ENPP3: variants seen among roughly 807,000 people sequenced by gnomAD.
The protein encoded by ENPP3 is ectonucleotide pyrophosphatase/phosphodiesterase 3, also known as ectonucleotide pyrophosphatase/phosphodiesterase family member 3.
Under a neutral mutation model 117.8 loss-of-function variants are expected in ENPP3, and 104 were observed. That is an observed-to-expected ratio of 0.88 (90% CI 0.75 to 1.04). ENPP3 has a LOEUF of 1.04. Ranked by LOEUF, ENPP3 falls within the 50% of genes least tolerant of loss-of-function variation. ENPP3 has a pLI of 0.00. For missense variants in ENPP3, 1,026 were observed against 1,051.9 expected (o/e 0.98, Z 0.34); for synonymous variants, 380 against 349.9 (o/e 1.09, Z -0.96).
intron 9 of ENPP3, among the ~76,000 whole-genome samples, chr6:131,676,311 T>C (rs958955197): frequency 1.3e-5 from 2 of 152,190 alleles, no homozygotes; most frequent in African/African-American, 4.8e-5. Context: ...AATTTATTTT[T>C]ATATTAGGTC....
chr6:131,745,393 C>T (rs974841202), intron 24 of ENPP3, among the ~76,000 whole-genome samples: 2 of 151,882 alleles, frequency 1.3e-5, no homozygotes, highest in African/African-American at 2.4e-5. Context: ...AGCCTGCATA[C>T]TTAAACAAGT....
chr6:131,648,879 T>C (rs141482536), intron 2 of ENPP3, among the ~76,000 whole-genome samples: 1 of 152,236 alleles, frequency 6.6e-6, no homozygotes, highest in Admixed American at 6.5e-5. Context: ...ATTCCTAATA[T>C]GCTGATGACT....
At chr6:131,697,397 G>A (rs940767190) in intron 15 of ENPP3, among the ~76,000 whole-genome samples, 8 of 139,324 alleles carry the variant, frequency 5.7e-5, no homozygotes, top group Non-Finnish European at 1.1e-4. Context: ...ACCAGGGACC[G>A]GTTTCATAGA....
intron 21 of ENPP3, among the ~76,000 whole-genome samples, chr6:131,735,305 T>C (rs1161267306): frequency 6.6e-6 from 1 of 152,144 alleles, no homozygotes; most frequent in Non-Finnish European, 1.5e-5. Flanking sequence ...AGAGGTAATG[T>C]TATGTTGATT....
intron 5 of ENPP3, among the ~76,000 whole-genome samples, chr6:131,653,487 G>A (rs1462782530): frequency 6.6e-6 from 1 of 151,964 alleles, no homozygotes; most frequent in African/African-American, 2.4e-5. Flanking sequence ...ATATTAAATA[G>A]GTAATACTCC....
At chr6:131,649,766 G>A (rs1396450247) in intron 2 of ENPP3, among the ~76,000 whole-genome samples, 1 of 152,114 alleles carries the variant, frequency 6.6e-6, no homozygotes, top group African/African-American at 2.4e-5. Flanking sequence ...ATGTTAGCCA[G>A]ACTGGTCTCA....
At position 131,710,975 on chromosome 6, in the gene ENPP3, C is replaced by G. The variant is rs1234964761; in HGVS notation, c.1413-7697C>G. 13 of 1,563,284 alleles carry G rather than the reference C, an allele frequency of 8.3e-6. 1 individual carries two copies. The highest frequency in any genetic ancestry group is 1.1e-5 in the Non-Finnish European group (13 of 1,172,244). On this transcript the variant is annotated intron_variant, in intron 15 of 24. Transcript: ENST00000357639. ...ACAACTCTGCCTAGCTCCTCCAGGACCAGCCCCAGGTAGGGCTGAGGGGTA... is the reference window on the plus strand; with the variant it reads ...ACAACTCTGCCTAGCTCCTCCAGGAGCAGCCCCAGGTAGGGCTGAGGGGTA...
At chr6:131,740,823 A>C (rs1379736426) in intron 24 of ENPP3, among the ~76,000 whole-genome samples, 1 of 152,172 alleles carries the variant, frequency 6.6e-6, no homozygotes, top group Non-Finnish European at 1.5e-5. Context: ...AATAGCACTC[A>C]AAGTCCTCTC....
Position 131,701,300 on chromosome 6 carries a change from G to C in ENPP3, c.1412+7676G>C, listed in dbSNP as rs1273662821. On this transcript the variant is annotated intron_variant, in intron 15 of 24. Transcript: ENST00000357639. Reference sequence around the variant, plus strand: ...TCCCGTTCCCCAGCAGGGTGAAGACGTAGAACAGGGAGAAGAGCCCAAAGA... The same window carrying C: ...TCCCGTTCCCCAGCAGGGTGAAGACCTAGAACAGGGAGAAGAGCCCAAAGA... The C allele has an allele frequency of 1.9e-6, 3 of 1,562,874 alleles. No individual in the cohort carries two copies. In the African/African-American group the frequency reaches 4.2e-5, roughly 22 times the overall value.
At position 131,676,770 on chromosome 6, in the gene ENPP3, T is replaced by A; in HGVS notation, c.907T>A (p.Leu303Ile). ...ATTTGAAGAGAGGATTTCTACACTG[T>A]TAAAATGGCTGGACCTGCCCAAAGC... is the stretch of plus-strand genomic sequence containing the variant. ...VPFEERISTL[L>I]KWLDLPKAER... The change falls in exon 10 of 25, where the codon TTA (leucine) becomes ATA (isoleucine). Residue 303 changes from leucine (L) to isoleucine (I), a missense_variant. By Grantham distance (5) the Leu-to-Ile change is conservative. Transcript: ENST00000357639. 1 of 1,611,858 alleles carries A rather than the reference T, an allele frequency of 6.2e-7. No homozygotes were observed. The highest frequency in any genetic ancestry group is 8.5e-7 in the Non-Finnish European group (1 of 1,178,010).
At chr6:131,717,137 T>C (rs1779909270) in intron 15 of ENPP3, among the ~76,000 whole-genome samples, 1 of 152,194 alleles carries the variant, frequency 6.6e-6, no homozygotes, top group African/African-American at 2.4e-5. Flanking sequence ...TTACCTGGCC[T>C]CTCTTTTCTT....
intron 11 of ENPP3, among the ~76,000 whole-genome samples, chr6:131,678,937 C>CT (rs1315425360): frequency 1.1e-5 from 1 of 88,050 alleles, no homozygotes; most frequent in Non-Finnish European, 2.0e-5. Context: ...TTCTTTCTTT[C>CT]TTTCTTTCTT....
intron 20 of ENPP3, among the ~76,000 whole-genome samples, chr6:131,729,544 C>G (rs1435905294): frequency 6.6e-6 from 1 of 152,126 alleles, no homozygotes; most frequent in African/African-American, 2.4e-5. Flanking sequence ...ATCTGAGTGT[C>G]TGAATTATAT....
chr6:131,740,074 G>T (rs545866251), intron 23 of ENPP3, 150 bp from the exon 24 acceptor site: 6 of 538,520 alleles, frequency 1.1e-5, no homozygotes, highest in Non-Finnish European at 1.8e-5. Context: ...TATTTAAAAA[G>T]TACCTAGCAT....
At chr6:131,701,186 G>A (rs762454232) in intron 15 of ENPP3, 8 of 950,114 alleles carry the variant, frequency 8.4e-6, no homozygotes, top group Admixed American at 4.3e-5. Flanking sequence ...TGTTGCAGGC[G>A]TAGGCGATGT....
intron 5 of ENPP3, among the ~76,000 whole-genome samples, chr6:131,653,587 CT>C (rs1230075262): frequency 1.3e-5 from 2 of 152,072 alleles, no homozygotes; most frequent in Non-Finnish European, 2.9e-5. Flanking sequence ...TTCCTGTCTT[CT>C]TTTTTTAAAT....
intron 12 of ENPP3, among the ~76,000 whole-genome samples, chr6:131,684,875 T>C (rs534719904): frequency 6.6e-6 from 1 of 152,208 alleles, no homozygotes; most frequent in African/African-American, 2.4e-5. Flanking sequence ...ACTGCCACCT[T>C]CGAGGTTCAA....
chr6:131,686,416 A>G (rs901603597), intron 14 of ENPP3, among the ~76,000 whole-genome samples: 3 of 151,934 alleles, frequency 2.0e-5, no homozygotes, highest in Non-Finnish European at 4.4e-5. Context: ...ACAATTCACT[A>G]CTCCTGGAGA....
At chr6:131,716,493 A>G (rs949820519) in intron 15 of ENPP3, among the ~76,000 whole-genome samples, 9 of 151,904 alleles carry the variant, frequency 5.9e-5, no homozygotes, top group African/African-American at 2.2e-4. Flanking sequence ...TAACCATAGT[A>G]CGAGCATTAG....
Sources: gnomAD v4.1 joint callset for allele counts (sites outside exome capture counted in the v4.1 genomes callset) on GRCh38, gnomAD v4.1.1 for gene constraint, MANE v1.5 for transcripts, NCBI Gene and HGNC (gene_info 2026-07-23, HGNC 2026-07-21) for gene names.